Variants in TOR1AIP1 observed in about 807,000 individuals in gnomAD.
TOR1AIP1 encodes torsin-1A-interacting protein 1.
In TOR1AIP1, 54 loss-of-function variants were observed where a neutral mutation model predicts 63.3. The observed-to-expected ratio is 0.85, with a 90% confidence interval of 0.69 to 1.07. TOR1AIP1 has a LOEUF of 1.07. Ranked by LOEUF, TOR1AIP1 falls within the 50% of genes least tolerant of loss-of-function variation. The pLI, the probability that TOR1AIP1 is intolerant of heterozygous loss-of-function variation, is 0.00. For synonymous variants in TOR1AIP1, 294 were observed against 273.5 expected (o/e 1.07, Z -0.74); for missense variants, 736 against 715.0 (o/e 1.03, Z -0.33).
intron 6 of TOR1AIP1, among the ~76,000 whole-genome samples, chr1:179,907,613 A>ATATATATATATATG (rs1181141590): frequency 3.9e-4 from 9 of 22,942 alleles, no homozygotes; most frequent in African/African-American, 9.4e-4. Flanking sequence ...ATATATATAT[A>ATATATATATATATG]TATATGTATA....
At position 179,917,973 on chromosome 1, in the gene TOR1AIP1, T is replaced by C; in HGVS notation, c.1486T>C (p.Cys496Arg). ...AGSTLIFYKY[C>R]DHENAAFKDV... is the part of the protein sequence containing the mutation. The stretch of plus-strand genomic sequence containing the variant: ...CTCTACTTTGATCTTCTACAAATAT[T>C]GTGACCATGAAAACGCGGCCTTCAA... The change falls in exon 10 of 10, where the codon TGT becomes CGT. Residue 496 changes from cysteine to arginine, a missense_variant. Cys to Arg is a radical substitution (Grantham distance 180, BLOSUM62 -3). Transcript: ENST00000606911. 1 of 1,614,244 alleles carries C rather than the reference T, an allele frequency of 6.2e-7. No homozygotes were observed. Among genetic ancestry groups the C allele is most frequent in the Non-Finnish European group, 8.5e-7 (1 of 1,180,040 alleles).
At chr1:179,913,164 A>G (rs1314423882) in intron 8 of TOR1AIP1, among the ~76,000 whole-genome samples, 17 of 150,368 alleles carry the variant, frequency 1.1e-4, no homozygotes, top group South Asian at 6.3e-4. Context: ...GGGTCTCACA[A>G]TGTTGCCCAG....
chr1:179,915,713 G>A (rs1281513956), intron 9 of TOR1AIP1, among the ~76,000 whole-genome samples: 3 of 151,930 alleles, frequency 2.0e-5, no homozygotes, highest in South Asian at 2.1e-4. Flanking sequence ...AGCCAAGATC[G>A]CACCACTTCA....
At chr1:179,888,359 C>A (rs1647967001) in intron 2 of TOR1AIP1, among the ~76,000 whole-genome samples, 1 of 152,142 alleles carries the variant, frequency 6.6e-6, no homozygotes, top group African/African-American at 2.4e-5. Flanking sequence ...CAGCCACAAA[C>A]TCCTGGACTC....
intron 6 of TOR1AIP1, 70 bp downstream of exon 6, chr1:179,904,092 C>A: frequency 8.4e-7 from 1 of 1,193,106 alleles, no homozygotes; most frequent in Non-Finnish European, 1.2e-6. Context: ...TTTGAAGATC[C>A]TCTTTTGAAA....
intron 2 of TOR1AIP1, among the ~76,000 whole-genome samples, chr1:179,886,587 A>G (rs924865110): frequency 2.6e-5 from 4 of 152,204 alleles, no homozygotes; most frequent in African/African-American, 9.7e-5. Flanking sequence ...GCCCTTTACA[A>G]GAGATGTGAA....
At chr1:179,911,409 C>T (rs1648827363) in intron 8 of TOR1AIP1, among the ~76,000 whole-genome samples, 1 of 152,216 alleles carries the variant, frequency 6.6e-6, no homozygotes, top group African/African-American at 2.4e-5. Context: ...GATTCTACCC[C>T]ATGGAACATT....
At chr1:179,905,137 G>C (rs1387664318) in intron 6 of TOR1AIP1, among the ~76,000 whole-genome samples, 2 of 152,178 alleles carry the variant, frequency 1.3e-5, no homozygotes, top group Non-Finnish European at 2.9e-5. Flanking sequence ...AGCACTTTGG[G>C]AGACCAAGGC....
chr1:179,915,948 T>G (rs1648978046), intron 9 of TOR1AIP1, among the ~76,000 whole-genome samples: 1 of 152,236 alleles, frequency 6.6e-6, no homozygotes, highest in Non-Finnish European at 1.5e-5. Context: ...TAATTCGCCT[T>G]GTAATTCATT....
At chr1:179,904,331 T>A (rs571788444) in intron 6 of TOR1AIP1, among the ~76,000 whole-genome samples, 1 of 152,368 alleles carries the variant, frequency 6.6e-6, no homozygotes, top group East Asian at 1.9e-4. Flanking sequence ...TGTAGTAGTT[T>A]GAGCCTATTT....
At chr1:179,894,287 G>T (rs553147638) in intron 3 of TOR1AIP1, among the ~76,000 whole-genome samples, 2 of 151,480 alleles carry the variant, frequency 1.3e-5, no homozygotes, top group Non-Finnish European at 2.9e-5. Flanking sequence ...GACAAATCAC[G>T]CAAATGGTCA....
At chr1:179,900,215 T>G (rs1338439717) in intron 4 of TOR1AIP1, 48 bp downstream of exon 4, 2 of 1,327,942 alleles carry the variant, frequency 1.5e-6, no homozygotes, top group African/African-American at 3.0e-5. Context: ...AGTCTTTTTC[T>G]TTACATTAGA....
intron 7 of TOR1AIP1, among the ~76,000 whole-genome samples, chr1:179,908,069 C>T (rs1032442268): frequency 1.3e-4 from 19 of 151,854 alleles, no homozygotes; most frequent in South Asian, 1.2e-3. Flanking sequence ...CCACCACGCC[C>T]GGCTAATTTT....
In TOR1AIP1 at chr1:179,884,756, A is replaced by G; in HGVS notation, c.540A>G (p.Ile180Met). 6.2e-7 allele frequency: 1 copy of G among 1,610,194 alleles called. No individual in the cohort carries two copies. The highest frequency in any genetic ancestry group is 8.5e-7 in the Non-Finnish European group (1 of 1,178,708). The change falls in exon 2 of 10, where the codon ATA becomes ATG. Residue 180 changes from isoleucine (I) to methionine (M), a missense_variant. Physicochemically the swap from Ile to Met is conservative, Grantham distance 10. Transcript: ENST00000606911. Reference protein sequence around the residue: ...QTISKKTVRSIQEAPVSEDLV... With the variant: ...QTISKKTVRSMQEAPVSEDLV... ...TCTCAAAGAAAACTGTCAGGAGCAT[A>G]CAAGAGGCTCCAGGTAAGAATAGTT...
At chr1:179,903,268 G>A (rs1336737855) in intron 5 of TOR1AIP1, among the ~76,000 whole-genome samples, 2 of 151,548 alleles carry the variant, frequency 1.3e-5, no homozygotes, top group Admixed American at 1.3e-4. Flanking sequence ...TAAAAAAAAA[G>A]AAGAAGAAGA....
intron 6 of TOR1AIP1, among the ~76,000 whole-genome samples, chr1:179,905,721 G>C (rs1648612139): frequency 6.6e-6 from 1 of 152,132 alleles, no homozygotes; most frequent in South Asian, 2.1e-4. Flanking sequence ...GGGAGGCCAA[G>C]GCAGGTGGAT....
chr1:179,905,930 G>C (rs1648621240), intron 6 of TOR1AIP1, among the ~76,000 whole-genome samples: 1 of 152,030 alleles, frequency 6.6e-6, no homozygotes, highest in Non-Finnish European at 1.5e-5. Flanking sequence ...TCCAGCCTGG[G>C]TGACAGGGCA....
intron 6 of TOR1AIP1, among the ~76,000 whole-genome samples, chr1:179,907,315 A>C (rs1404500772): frequency 6.6e-6 from 1 of 151,196 alleles, no homozygotes; most frequent in East Asian, 2.0e-4. Context: ...TGTAATCCCA[A>C]GTACTTGGGA....
In TOR1AIP1 at chr1:179,901,668, A is replaced by G. The variant is rs537107294; in HGVS notation, c.739+280A>G. On this transcript the variant is annotated intron_variant, in intron 5 of 9. Coordinates refer to ENST00000606911, the MANE Select transcript of TOR1AIP1 (RefSeq NM_015602.4). ...TTACTTGTTGTTTTTTGAATTTTAT[A>G]GAGAAACTAATCACATTGCCATTGG... Among the ~76,000 whole-genome samples, 47 of 152,318 alleles carry G rather than the reference A, an allele frequency of 3.1e-4. 1 individual carries two copies. In the South Asian group the frequency reaches 9.5e-3, roughly 31 times the overall value.
Sources: allele counts gnomAD v4.1 joint callset (sites outside exome capture counted in the v4.1 genomes callset), GRCh38; gene constraint gnomAD v4.1.1; transcripts MANE v1.5; gene names NCBI Gene and HGNC (gene_info 2026-07-23, HGNC 2026-07-21).